Variants in PIK3C2B observed in about 807,000 individuals in gnomAD.
The protein encoded by PIK3C2B is phosphatidylinositol 4-phosphate 3-kinase C2 domain-containing subunit beta.
A neutral mutation model predicts 184.3 loss-of-function variants in PIK3C2B; 83 were observed. That is an observed-to-expected ratio of 0.45 (90% confidence interval 0.38 to 0.54). The LOEUF (loss-of-function observed/expected upper bound fraction) is 0.54, where lower values mean the gene tolerates loss of function less well. Among genes scored for constraint, PIK3C2B ranks in the 20% least tolerant of loss-of-function variants. The pLI, the probability that PIK3C2B is intolerant of heterozygous loss-of-function variation, is 0.00. For missense variants in PIK3C2B, 1,736 were observed against 2,113.5 expected (o/e 0.82, Z 3.50); for synonymous variants, 779 against 837.6 (o/e 0.93, Z 1.21).
At chr1:204,427,078 A>C (rs1674783964) in intron 31 of PIK3C2B, among the ~76,000 whole-genome samples, 1 of 152,112 alleles carries the variant, frequency 6.6e-6, no homozygotes, top group Admixed American at 6.5e-5. Flanking sequence ...CGGAGGTTGC[A>C]GTAAGCCAAG....
At chr1:204,430,807 T>C (rs1467836184) in intron 28 of PIK3C2B, among the ~76,000 whole-genome samples, 3 of 151,550 alleles carry the variant, frequency 2.0e-5, no homozygotes, top group African/African-American at 7.3e-5. Flanking sequence ...TATAAAAGCA[T>C]GCCACCACAC....
At chr1:204,451,815 G>C (rs1288418371) in intron 12 of PIK3C2B, among the ~76,000 whole-genome samples, 1 of 152,200 alleles carries the variant, frequency 6.6e-6, no homozygotes, top group Non-Finnish European at 1.5e-5. Flanking sequence ...TCAGTCACTT[G>C]GAACAGAGAA....
chr1:204,456,030 G>A lies in PIK3C2B; in HGVS notation c.1769C>T (p.Thr590Ile). Residue 590 changes from threonine (T) to isoleucine (I), a missense_variant, in exon 11 of 33, where the codon ACC (threonine) becomes ATC (isoleucine). Coordinates refer to ENST00000684373, the MANE Select transcript of PIK3C2B (RefSeq NM_001377334.1). ...CTCCACCAGGTCCAAGATGGCAGCG[G>A]TCAGGGCTTCCACGACCTTCTCTGG... Reference protein sequence around the residue: ...ENREKVVEALTAAILDLVELY... With the variant: ...ENREKVVEALIAAILDLVELY... 2 of 1,613,786 alleles carry A rather than the reference G, an allele frequency of 1.2e-6. No individual in the cohort carries two copies. Among genetic ancestry groups the A allele is most frequent in the Non-Finnish European group, 8.5e-7 (1 of 1,179,734 alleles).
chr1:204,473,576 T>C (rs889355576), intron 1 of PIK3C2B, among the ~76,000 whole-genome samples: 1 of 152,202 alleles, frequency 6.6e-6, no homozygotes, highest in Non-Finnish European at 1.5e-5. Flanking sequence ...TGGGCTTAAG[T>C]ATGTTAATCC....
intron 1 of PIK3C2B, among the ~76,000 whole-genome samples, chr1:204,488,306 A>G (rs945174183): frequency 1.3e-5 from 2 of 152,210 alleles, no homozygotes; most frequent in African/African-American, 2.4e-5. Context: ...CAATCAACCA[A>G]TCATTAACCC....
intron 9 of PIK3C2B, 142 bp downstream of exon 9, chr1:204,457,586 A>G: frequency 1.3e-6 from 1 of 774,794 alleles, no homozygotes. Flanking sequence ...CTTGCGGTTG[A>G]ATTCCTTAAA....
At position 204,469,741 on chromosome 1, in the gene PIK3C2B, C is replaced by A. The variant is rs746489690; in HGVS notation, c.62G>T (p.Arg21Leu). The A allele has an allele frequency of 6.2e-7, 1 of 1,613,780 alleles. No individual in the cohort carries two copies. The highest frequency in any genetic ancestry group is 1.7e-5 in the Admixed American group (1 of 59,994). The change falls in exon 2 of 33, where the codon CGC becomes CTC. Residue 21 changes from arginine (R) to leucine (L), a missense_variant. By Grantham distance (102) the Arg-to-Leu change is moderately radical. Around this residue, in one of 8 missense-constraint regions of PIK3C2B, gnomAD observed 404 missense variants for 418.0 expected, o/e 0.97. Coordinates refer to ENST00000684373, the MANE Select transcript of PIK3C2B (RefSeq NM_001377334.1). ...GGCTTCGGCCATCGCTAGCTCTTTGCGGCTGATGCCCACTGACTCCAGGGA... is the reference window on the plus strand; with the variant it reads ...GGCTTCGGCCATCGCTAGCTCTTTGAGGCTGATGCCCACTGACTCCAGGGA... ...WKSLESVGIS[R>L]KELAMAEALQ...
intron 12 of PIK3C2B, 188 bp downstream of exon 12, chr1:204,454,481 C>CAAA (rs577930655): frequency 8.4e-4 from 218 of 258,340 alleles, no homozygotes; most frequent in South Asian, 3.6e-3. Context: ...GGCTGCCTCT[C>CAAA]AAAAAAAAAA....
Position 204,464,567 on chromosome 1 carries a change from T to A in PIK3C2B, c.1072A>T (p.Thr358Ser). The change falls in exon 4 of 33, where the codon ACT becomes TCT. Residue 358 changes from threonine (T) to serine (S), a missense_variant. By Grantham distance (58) the Thr-to-Ser change is moderately conservative. Coordinates refer to ENST00000684373, the MANE Select transcript of PIK3C2B (RefSeq NM_001377334.1). ...GTGACAGCACTCCAGACATAGCCAGTGAGGAAGTAGTCTTGGATGTCAGAG... is the reference window on the plus strand; with the variant it reads ...GTGACAGCACTCCAGACATAGCCAGAGAGGAAGTAGTCTTGGATGTCAGAG... Reference protein sequence around the residue: ...SGSDIQDYFLTGYVWSAVTPS... With the variant: ...SGSDIQDYFLSGYVWSAVTPS... 1.2e-6 allele frequency: 2 copies of A among 1,613,752 alleles called. No homozygotes were observed. The highest frequency in any genetic ancestry group is 1.7e-6 in the Non-Finnish European group (2 of 1,179,808).
intron 1 of PIK3C2B, among the ~76,000 whole-genome samples, chr1:204,482,386 G>A (rs1421324620): frequency 6.6e-6 from 1 of 152,350 alleles, no homozygotes; most frequent in African/African-American, 2.4e-5. Flanking sequence ...CAGGCCAGAA[G>A]GATATCCTGC....
intron 1 of PIK3C2B, among the ~76,000 whole-genome samples, chr1:204,492,721 G>A (rs1458583037): frequency 1.3e-5 from 2 of 152,118 alleles, no homozygotes; most frequent in African/African-American, 4.8e-5. Flanking sequence ...TCCTCACCCA[G>A]CACACCCCCT....
intron 8 of PIK3C2B, among the ~76,000 whole-genome samples, chr1:204,459,669 G>A (rs1476857748): frequency 4.6e-5 from 7 of 152,116 alleles, no homozygotes; most frequent in Admixed American, 1.3e-4. Context: ...TTCTATAGAG[G>A]AGCAGAATCC....
rs6692377 is a variant in PIK3C2B, at chr1:204,480,029, G to C, written c.-84-10143C>G. On this transcript the variant is annotated intron_variant, in intron 1 of 32. Transcript: ENST00000684373. ...CTTCTGCACTGGGCTCGGCGGGGCC[G>C]GGCTAACCCATCCAGGTCTGCAAGG... is the stretch of plus-strand genomic sequence containing the variant. Among the ~76,000 whole-genome samples, 3 of 152,036 alleles carry C rather than the reference G, an allele frequency of 2.0e-5. No individual in the cohort carries two copies. The East Asian group carries it at 5.8e-4, about 29-fold the overall frequency.
intron 1 of PIK3C2B, among the ~76,000 whole-genome samples, chr1:204,479,429 G>A (rs1656959294): frequency 6.6e-6 from 1 of 152,152 alleles, no homozygotes; most frequent in African/African-American, 2.4e-5. Flanking sequence ...CTCCAGCTGA[G>A]GAGACCACCG....
At position 204,427,739 on chromosome 1, in the gene PIK3C2B, C is replaced by T. The variant is rs145343510; in HGVS notation, c.4496G>A (p.Arg1499Gln). The T allele has an allele frequency of 1.4e-4, 231 of 1,613,604 alleles. No individual in the cohort carries two copies. In the African/African-American group the frequency reaches 2.5e-3, roughly 18 times the overall value. Reference sequence around the variant, plus strand: ...CTCCCCTCCCACCTTTCCGACGGGCCGGGCCCATGTGCCATCTGTAGGGAC... The same window carrying T: ...CTCCCCTCCCACCTTTCCGACGGGCTGGGCCCATGTGCCATCTGTAGGGAC... ...APKSSDGTWA[R>Q]PVGKVGGEVK... Residue 1499 changes from arginine (R) to glutamine (Q), a missense_variant, in exon 31 of 33, where the codon CGG becomes CAG. Transcript: ENST00000684373.
At chr1:204,452,448 T>C (rs1654456067) in intron 12 of PIK3C2B, among the ~76,000 whole-genome samples, 1 of 147,856 alleles carries the variant, frequency 6.8e-6, no homozygotes, top group African/African-American at 2.5e-5. Flanking sequence ...TGGCTAATTT[T>C]TTGTATTTTT....
Position 204,444,048 on chromosome 1 carries a change from T to C in PIK3C2B, c.2867+20A>G. On this transcript the variant is annotated intron_variant, in intron 18 of 32. Coordinates refer to ENST00000684373, the MANE Select transcript of PIK3C2B (RefSeq NM_001377334.1). ...TGAAAGACACGTGTCTACCTCCCAC[T>C]TTTCTACATGCAGTTTTACCAGAAG... 1.3e-6 allele frequency: 2 copies of C among 1,548,708 alleles called. No individual in the cohort carries two copies. The highest frequency in any genetic ancestry group is 1.8e-6 in the Non-Finnish European group (2 of 1,120,500).
chr1:204,481,104 G>A (rs772143713), intron 1 of PIK3C2B, among the ~76,000 whole-genome samples: 3 of 139,708 alleles, frequency 2.1e-5, no homozygotes, highest in African/African-American at 5.5e-5. Context: ...ATGTCTCCCC[G>A]CTACATACAC....
chr1:204,452,288 C>T (rs1250398347), intron 12 of PIK3C2B, among the ~76,000 whole-genome samples: 75 of 71,080 alleles, frequency 1.1e-3, no homozygotes, highest in African/African-American at 3.8e-3. Context: ...GTGCAGCACC[C>T]TTTTTTTTTT....
Sources: allele counts gnomAD v4.1 joint callset (sites outside exome capture counted in the v4.1 genomes callset), GRCh38; gene constraint gnomAD v4.1.1; regional missense constraint gnomAD v4.1.1; transcripts MANE v1.5; gene names NCBI Gene and HGNC (gene_info 2026-07-23, HGNC 2026-07-21).